The following C10orf90 variants were observed in gnomAD, a reference collection of about 807,000 sequenced individuals.
C10orf90 encodes chromosome 10 open reading frame 90.
C10orf90 carries 56 observed loss-of-function variants against 62.5 expected under a neutral mutation model. That is an observed-to-expected ratio of 0.90 (90% CI 0.72 to 1.12). The LOEUF is 1.12. Ranked by LOEUF, C10orf90 falls within the 50% of genes most tolerant of loss-of-function variation. The probability of loss-of-function intolerance (pLI) is 0.00; values close to 1 mark genes in which losing one functional copy is unlikely to be tolerated. For synonymous variants in C10orf90, 386 were observed against 340.4 expected, an observed-to-expected ratio of 1.13 and a Z score of -1.47; for missense variants, 970 against 880.4, an observed-to-expected ratio of 1.10 and a Z score of -1.29.
At chr10:126,642,480 C>G (rs193119986) in intron 2 of C10orf90, among the ~76,000 whole-genome samples, 300 of 152,152 alleles carry the variant, frequency 2.0e-3, no homozygotes, top group Admixed American at 7.2e-3. Flanking sequence ...TGCAGTAAGC[C>G]CAGATCGCGC....
At chr10:126,577,569 C>T (rs973832746) in intron 2 of C10orf90, among the ~76,000 whole-genome samples, 55 of 151,976 alleles carry the variant, frequency 3.6e-4, no homozygotes, top group African/African-American at 1.3e-3. Context: ...GATTAGAAGA[C>T]CTGACTTTGT....
At chr10:126,655,468 T>C (rs1034655531) in intron 1 of C10orf90, among the ~76,000 whole-genome samples, 5 of 152,174 alleles carry the variant, frequency 3.3e-5, no homozygotes, top group African/African-American at 1.2e-4. Context: ...ACAGCACAGA[T>C]AGACTTGACC....
At chr10:126,659,588 G>T (rs749633847) in intron 1 of C10orf90, among the ~76,000 whole-genome samples, 38 of 152,152 alleles carry the variant, frequency 2.5e-4, no homozygotes, top group Non-Finnish European at 5.3e-4. Context: ...CTGTCTCAAA[G>T]TCCTTTCTAG....
At position 126,513,906 on chromosome 10, in the gene C10orf90, T is replaced by G; in HGVS notation, c.347A>C (p.Gln116Pro). ...LRDSYHSRRD[Q>P]IALKNLQSDV... ...AGACTGGAGATTTTTAAGGGCAATT[T>G]GATCTCTTCTACTGTGGTAGCTGTC... The change falls in exon 3 of 10, where the codon CAA (glutamine) becomes CCA (proline). Residue 116 changes from glutamine to proline, a missense_variant. Coordinates refer to ENST00000488181, the MANE Select transcript of C10orf90 (RefSeq NM_001350921.2). The G allele has an allele frequency of 6.2e-7, 1 of 1,613,402 alleles. No individual in the cohort carries two copies. Among genetic ancestry groups the G allele is most frequent in the Non-Finnish European group, 8.5e-7 (1 of 1,179,492 alleles).
chr10:126,626,753 T>TA (rs1003955403), intron 2 of C10orf90, among the ~76,000 whole-genome samples: 4 of 152,106 alleles, frequency 2.6e-5, no homozygotes, highest in African/African-American at 7.2e-5. Flanking sequence ...CTGCTGGCAA[T>TA]AAAAAAACAG....
At chr10:126,492,963 T>C (rs960516938) in intron 4 of C10orf90, among the ~76,000 whole-genome samples, 22 of 152,212 alleles carry the variant, frequency 1.4e-4, no homozygotes, top group Middle Eastern at 3.4e-3. Context: ...CACATTGCTA[T>C]AAAAATGTAA....
intron 7 of C10orf90, among the ~76,000 whole-genome samples, chr10:126,435,149 T>C (rs1436214846): frequency 3.3e-5 from 5 of 152,226 alleles, no homozygotes; most frequent in Admixed American, 3.3e-4. Flanking sequence ...CACACAGTTG[T>C]TGGTATTGAT....
chr10:126,555,844 A>G (rs1332172110), intron 2 of C10orf90, among the ~76,000 whole-genome samples: 1 of 150,904 alleles, frequency 6.6e-6, no homozygotes, highest in Non-Finnish European at 1.5e-5. Context: ...TCTCCACATG[A>G]ATGGTTAATT....
chr10:126,496,890 A>G (rs1862091642), intron 4 of C10orf90, among the ~76,000 whole-genome samples: 1 of 152,196 alleles, frequency 6.6e-6, no homozygotes, highest in South Asian at 2.1e-4. Flanking sequence ...GGGTAAGATG[A>G]GGTCAATGCC....
At chr10:126,587,503 T>G (rs1484917109) in intron 2 of C10orf90, among the ~76,000 whole-genome samples, 1 of 152,182 alleles carries the variant, frequency 6.6e-6, no homozygotes, top group Non-Finnish European at 1.5e-5. Context: ...TGGTATCTGT[T>G]TTCATAAGGA....
intron 1 of C10orf90, among the ~76,000 whole-genome samples, chr10:126,665,075 G>A (rs976882080): frequency 1.3e-5 from 2 of 152,210 alleles, no homozygotes; most frequent in Non-Finnish European, 2.9e-5. Context: ...AGCAGGCAAG[G>A]CACAGGAGTG....
chr10:126,599,028 G>A (rs1845141249), intron 2 of C10orf90, among the ~76,000 whole-genome samples: 1 of 152,140 alleles, frequency 6.6e-6, no homozygotes, highest in African/African-American at 2.4e-5. Context: ...AGAGAAACTT[G>A]AGGATATTTC....
chr10:126,565,359 AT>A (rs1234278491), intron 2 of C10orf90, among the ~76,000 whole-genome samples: 2 of 69,438 alleles, frequency 2.9e-5, no homozygotes, highest in African/African-American at 5.6e-5. Flanking sequence ...AATATATAAT[AT>A]ATATTATTTT....
rs538996006 is a variant in C10orf90, at chr10:126,510,123, C to T, written c.405+3725G>A. Among the ~76,000 whole-genome samples, 16 of 152,292 alleles carry T rather than the reference C, an allele frequency of 1.1e-4. No homozygotes were observed. In the South Asian group the frequency reaches 3.3e-3, roughly 32 times the overall value. On this transcript the variant is annotated intron_variant, in intron 3 of 9. Coordinates refer to ENST00000488181, the MANE Select transcript of C10orf90 (RefSeq NM_001350921.2). ...TTGGATTAGGACCCACCCTAATGAC[C>T]TCACTTAACCTTAATCACTTCTTTA...
intron 1 of C10orf90, among the ~76,000 whole-genome samples, chr10:126,665,537 G>A (rs1333045379): frequency 2.0e-5 from 3 of 152,132 alleles, no homozygotes; most frequent in African/African-American, 7.2e-5. Context: ...ACTATGGTGG[G>A]ATATTGAAAC....
chr10:126,601,154 TACAG>T (rs1845190826), intron 2 of C10orf90, among the ~76,000 whole-genome samples: 1 of 152,102 alleles, frequency 6.6e-6, no homozygotes, highest in African/African-American at 2.4e-5. Context: ...AGGTCAAATG[TACAG>T]AGATAGAACA....
intron 7 of C10orf90, among the ~76,000 whole-genome samples, chr10:126,446,708 A>C (rs1858806516): frequency 6.6e-6 from 1 of 152,210 alleles, no homozygotes; most frequent in Admixed American, 6.5e-5. Context: ...TACTTGTAAA[A>C]GTAAGTACAC....
chr10:126,536,779 T>C (rs911871137), intron 2 of C10orf90, among the ~76,000 whole-genome samples: 6 of 152,104 alleles, frequency 3.9e-5, no homozygotes, highest in African/African-American at 7.2e-5. Flanking sequence ...CCTGAAAATC[T>C]CCCAGCCGGA....
chr10:126,471,759 C>A (rs1860598004), intron 4 of C10orf90, among the ~76,000 whole-genome samples: 1 of 152,104 alleles, frequency 6.6e-6, no homozygotes, highest in Non-Finnish European at 1.5e-5. Context: ...TCTACCCACA[C>A]AAAGAATATA....
Sources: gnomAD v4.1 joint callset for allele counts (sites outside exome capture counted in the v4.1 genomes callset) on GRCh38, gnomAD v4.1.1 for gene constraint, MANE v1.5 for transcripts, NCBI Gene and HGNC (gene_info 2026-07-23, HGNC 2026-07-21) for gene names.